The following FAM135B variants were observed in gnomAD, a reference collection of about 807,000 sequenced individuals.
FAM135B encodes the protein family with sequence similarity 135 member B.
FAM135B carries 43 observed loss-of-function variants against 127.7 expected under a neutral mutation model. The ratio of observed to expected loss-of-function variants is 0.34; its 90% CI spans 0.26 to 0.43. FAM135B has a LOEUF of 0.43. FAM135B is among the 20% of genes least tolerant of loss of function. The pLI, the probability that FAM135B is intolerant of heterozygous loss-of-function variation, is 1.00. For synonymous variants in FAM135B, 670 were observed against 665.1 expected, an observed-to-expected ratio of 1.01 and a Z score of -0.11; for missense variants, 1,558 against 1,725.6, an observed-to-expected ratio of 0.90 and a Z score of 1.72.
At chr8:138,137,845 G>T (rs1437487923) in intron 18 of FAM135B, among the ~76,000 whole-genome samples, 1 of 152,096 alleles carries the variant, frequency 6.6e-6, no homozygotes, top group Non-Finnish European at 1.5e-5. Flanking sequence ...TATCCCTGCA[G>T]GCCTCAGAGC....
intron 1 of FAM135B, among the ~76,000 whole-genome samples, chr8:138,456,183 C>A (rs1326918040): frequency 6.6e-6 from 1 of 152,146 alleles, no homozygotes; most frequent in Non-Finnish European, 1.5e-5. Flanking sequence ...CACCCAAACA[C>A]AACAAAACTG....
rs900799491 is a variant in FAM135B at position 138,204,848 on chromosome 8, A to G, written c.670-7179T>C. 2.6e-4 allele frequency among the ~76,000 whole-genome samples: 39 copies of G among 152,230 alleles called. 1 individual carries two copies. The highest frequency in any genetic ancestry group is 8.9e-4 in the African/African-American group (37 of 41,462). On this transcript the variant is annotated intron_variant, in intron 7 of 19. Transcript: ENST00000395297. ...AAGCAAGACATATTTTTTAACCGAG[A>G]AATATCAATGCATTGTTTGTGTTAC...
At chr8:138,267,174 G>T (rs1823003852) in intron 3 of FAM135B, among the ~76,000 whole-genome samples, 1 of 152,042 alleles carries the variant, frequency 6.6e-6, no homozygotes, top group Non-Finnish European at 1.5e-5. Flanking sequence ...TGGGATTAAT[G>T]CCCTTATAAA....
intron 2 of FAM135B, among the ~76,000 whole-genome samples, chr8:138,332,545 A>G (rs915779085): frequency 1.3e-5 from 2 of 152,050 alleles, no homozygotes; most frequent in Non-Finnish European, 2.9e-5. Context: ...CCTGGTTGCA[A>G]AGATCACACT....
chr8:138,262,221 A>G (rs983816531), intron 4 of FAM135B, among the ~76,000 whole-genome samples: 8 of 152,174 alleles, frequency 5.3e-5, no homozygotes, highest in African/African-American at 1.9e-4. Flanking sequence ...AAGGCTTTAA[A>G]TTGTCAGGGA....
intron 3 of FAM135B, among the ~76,000 whole-genome samples, chr8:138,299,908 T>TG (rs1422340312): frequency 6.6e-6 from 1 of 152,128 alleles, no homozygotes; most frequent in Admixed American, 6.5e-5. Context: ...TAATTAAAAT[T>TG]GGTATATTTT....
At chr8:138,396,626 C>T (rs1033801035) in intron 1 of FAM135B, among the ~76,000 whole-genome samples, 3 of 152,108 alleles carry the variant, frequency 2.0e-5, no homozygotes, top group African/African-American at 7.2e-5. Flanking sequence ...ACATTGAAGC[C>T]CCTGGCAGGA....
intron 1 of FAM135B, among the ~76,000 whole-genome samples, chr8:138,418,143 AT>A (rs2131438878): frequency 6.6e-6 from 1 of 152,306 alleles, no homozygotes; most frequent in Non-Finnish European, 1.5e-5. Context: ...CACTATAAGA[AT>A]TTCATAATAT....
intron 11 of FAM135B, among the ~76,000 whole-genome samples, chr8:138,171,358 A>G (rs1233467808): frequency 6.6e-6 from 1 of 151,916 alleles, no homozygotes; most frequent in African/African-American, 2.4e-5. Flanking sequence ...AAACACCACA[A>G]TCCACCCCAC....
intron 1 of FAM135B, among the ~76,000 whole-genome samples, chr8:138,465,715 C>T (rs1208724630): frequency 6.6e-6 from 1 of 152,148 alleles, no homozygotes; most frequent in Non-Finnish European, 1.5e-5. Flanking sequence ...GCCTCCTGCT[C>T]AGCCCTCATC....
chr8:138,384,656 CTG>C (rs370044180), intron 1 of FAM135B, among the ~76,000 whole-genome samples: 1 of 151,390 alleles, frequency 6.6e-6, no homozygotes, highest in Non-Finnish European at 1.5e-5. Flanking sequence ...GTGTGTGCAC[CTG>C]TGTGTGTGTG....
chr8:138,475,054 G>T (rs1365837226), intron 1 of FAM135B, among the ~76,000 whole-genome samples: 2 of 151,720 alleles, frequency 1.3e-5, no homozygotes, highest in African/African-American at 4.8e-5. Flanking sequence ...TGTAACATTT[G>T]CTGTTTTTTG....
chr8:138,244,953 G>A (rs1311434713), intron 6 of FAM135B, among the ~76,000 whole-genome samples: 1 of 152,146 alleles, frequency 6.6e-6, no homozygotes, highest in Non-Finnish European at 1.5e-5. Context: ...TTTAACTGAT[G>A]CTGTGAAAAA....
In FAM135B at chr8:138,146,027, C is replaced by T. The variant is rs1304680292; in HGVS notation, c.3472G>A (p.Val1158Ile). The change falls in exon 15 of 20, where the codon GTA becomes ATA. Residue 1158 changes from valine to isoleucine, a missense_variant. This residue lies in a region of FAM135B where 194 missense variants were observed against 333.8 expected (regional missense o/e 0.58). Transcript: ENST00000395297. ...AGCCCCAGTTCTATGAAAGTCTTTA[C>T]CAGCCGGAGGTCTGCACTGTTCCCT... ...LDGNSADLRLVKTFIELGLPG... is the reference protein window; with the variant it reads ...LDGNSADLRLIKTFIELGLPG... 2 of 1,607,916 alleles carry T rather than the reference C, an allele frequency of 1.2e-6. No homozygotes were observed. Among genetic ancestry groups the T allele is most frequent in the Admixed American group, 1.7e-5 (1 of 60,002 alleles).
intron 9 of FAM135B, among the ~76,000 whole-genome samples, chr8:138,182,901 A>G (rs986348537): frequency 2.6e-5 from 4 of 152,296 alleles, no homozygotes; most frequent in African/African-American, 9.6e-5. Flanking sequence ...ACCTTTGTAA[A>G]GTTTTCCCAG....
At chr8:138,191,302 T>C (rs1408060371) in intron 9 of FAM135B, among the ~76,000 whole-genome samples, 4 of 152,342 alleles carry the variant, frequency 2.6e-5, no homozygotes, top group South Asian at 4.1e-4. Context: ...CTTCACCCAC[T>C]ACTTTTGAGG....
chr8:138,174,023 T>C (rs942999838), intron 11 of FAM135B, among the ~76,000 whole-genome samples: 20 of 152,176 alleles, frequency 1.3e-4, no homozygotes, highest in African/African-American at 4.6e-4. Context: ...GGCAACCCAG[T>C]GCAATCACAT....
chr8:138,496,580 A>G (rs1254951870), intron 1 of FAM135B, 91 bp downstream of exon 1: 1 of 152,290 alleles, frequency 6.6e-6, no homozygotes, highest in Non-Finnish European at 1.5e-5. Context: ...CGTGACAGAA[A>G]GCCATCCAAC....
In FAM135B at chr8:138,190,475, A is replaced by G. The variant is rs551412445; in HGVS notation, c.873+4783T>C. On this transcript the variant is annotated intron_variant, in intron 9 of 19. Coordinates refer to ENST00000395297, the MANE Select transcript of FAM135B (RefSeq NM_015912.4). ...TAGCAAGAAAATACCAACACAACAG[A>G]CAGCAGGCCCTTGAAAGAAACTGAA... Among the ~76,000 whole-genome samples, 198 of 152,338 alleles carry G rather than the reference A, an allele frequency of 1.3e-3. 1 individual carries two copies. The highest frequency in any genetic ancestry group is 4.6e-3 in the African/African-American group (193 of 41,566).
Sources: gnomAD v4.1 joint callset for allele counts (sites outside exome capture counted in the v4.1 genomes callset) on GRCh38, gnomAD v4.1.1 for gene constraint, gnomAD v4.1.1 regional missense constraint, MANE v1.5 for transcripts, NCBI Gene and HGNC (gene_info 2026-07-23, HGNC 2026-07-21) for gene names.